Variants in LYN observed in about 807,000 individuals in gnomAD.
LYN encodes tyrosine-protein kinase Lyn.
Under a neutral mutation model 65.0 loss-of-function variants are expected in LYN, and 12 were observed. That is an observed-to-expected ratio of 0.18 (90% CI 0.12 to 0.30). The LOEUF (loss-of-function observed/expected upper bound fraction) is 0.30, where lower values mean the gene tolerates loss of function less well. Ranked by LOEUF, LYN falls within the 10% of genes least tolerant of loss-of-function variation. The pLI is 1.00. For synonymous variants in LYN, 222 were observed against 221.2 expected, an observed-to-expected ratio of 1.00 and a Z score of -0.03; for missense variants, 380 against 623.2, an observed-to-expected ratio of 0.61 and a Z score of 4.16.
intron 9 of LYN, among the ~76,000 whole-genome samples, chr8:55,968,888 C>T (rs772574006): frequency 7.2e-5 from 11 of 152,322 alleles, no homozygotes; most frequent in Non-Finnish European, 1.6e-4. Context: ...ACAGGTCTTG[C>T]TTTAGAGATG....
chr8:55,880,135 G>T (rs1164094271), intron 1 of LYN, 32 bp downstream of exon 1: 1 of 231,614 alleles, frequency 4.3e-6, no homozygotes, highest in Non-Finnish European at 8.6e-6. Context: ...AGGGGTGGGC[G>T]CGGGCACGCG....
chr8:55,991,412 CACTTGGTGACTA>C (rs1808245423), intron 10 of LYN, among the ~76,000 whole-genome samples: 1 of 152,210 alleles, frequency 6.6e-6, no homozygotes, highest in Admixed American at 6.5e-5. Flanking sequence ...AAGAGGCAGA[CACTTGGTGACTA>C]ACTCCTTTTC....
intron 1 of LYN, among the ~76,000 whole-genome samples, chr8:55,885,042 C>A (rs1489078607): frequency 6.6e-6 from 1 of 152,138 alleles, no homozygotes; most frequent in African/African-American, 2.4e-5. Context: ...CTTCCAGTAC[C>A]CCTTCTTCTG....
intron 1 of LYN, among the ~76,000 whole-genome samples, chr8:55,913,265 C>G (rs1805693599): frequency 6.6e-6 from 1 of 152,204 alleles, no homozygotes; most frequent in South Asian, 2.1e-4. Flanking sequence ...ATGTTGCTTT[C>G]TTTCCAAAGG....
intron 1 of LYN, among the ~76,000 whole-genome samples, chr8:55,908,687 A>G (rs765115811): frequency 6.6e-6 from 1 of 152,010 alleles, no homozygotes; most frequent in Admixed American, 6.6e-5. Flanking sequence ...TAGTGTAACC[A>G]TCATCTGAGT....
intron 10 of LYN, among the ~76,000 whole-genome samples, chr8:55,987,705 C>G (rs1373163871): frequency 6.6e-6 from 1 of 152,106 alleles, no homozygotes; most frequent in African/African-American, 2.4e-5. Context: ...CATGAGCCAC[C>G]ATGGCTGGCT....
At chr8:55,930,333 C>A (rs1806224804) in intron 1 of LYN, among the ~76,000 whole-genome samples, 2 of 152,136 alleles carry the variant, frequency 1.3e-5, no homozygotes, top group Admixed American at 1.3e-4. Flanking sequence ...TATTATGTTA[C>A]ATGCATTTAG....
intron 2 of LYN, among the ~76,000 whole-genome samples, chr8:55,944,635 C>G (rs909484170): frequency 6.6e-6 from 1 of 152,194 alleles, no homozygotes; most frequent in Non-Finnish European, 1.5e-5. Context: ...CATGCACCAC[C>G]ATGCCTGGCT....
intron 1 of LYN, among the ~76,000 whole-genome samples, chr8:55,934,141 G>A (rs1206719098): frequency 1.3e-5 from 2 of 152,110 alleles, no homozygotes; most frequent in Non-Finnish European, 2.9e-5. Flanking sequence ...CAGGAGAATC[G>A]CTTGAACCCA....
chr8:55,987,243 T>A (rs1185991694), intron 10 of LYN, among the ~76,000 whole-genome samples: 1 of 151,800 alleles, frequency 6.6e-6, no homozygotes, highest in Non-Finnish European at 1.5e-5. Flanking sequence ...TGAAACACCG[T>A]CTCTACTAAA....
chr8:55,882,633 T>C (rs1804683418), intron 1 of LYN, among the ~76,000 whole-genome samples: 1 of 152,228 alleles, frequency 6.6e-6, no homozygotes, highest in African/African-American at 2.4e-5. Context: ...GTCACATTGA[T>C]AGCAGAGATA....
chr8:56,004,362 C>G (rs929850791), intron 12 of LYN, among the ~76,000 whole-genome samples: 4 of 144,388 alleles, frequency 2.8e-5, no homozygotes, highest in Non-Finnish European at 6.0e-5. Context: ...GGTGTGATAT[C>G]GGCTCACTGC....
rs1002764810 is a variant in LYN, at chr8:56,013,821, T to A, written c.*3711T>A. The A allele has an allele frequency of 6.6e-6, 1 of 152,240 alleles. No homozygotes were observed. The highest frequency in any genetic ancestry group is 1.5e-5 in the Non-Finnish European group (1 of 68,054). 9.4% of individuals were successfully genotyped at this position (152,240 alleles called of 1,614,324 possible). A position where few individuals can be genotyped will look rare whatever the true frequency, so the allele number is the denominator to read the frequency against. On this transcript the variant is annotated 3_prime_UTR_variant, in exon 13 of 13. Coordinates refer to ENST00000519728, the MANE Select transcript of LYN (RefSeq NM_002350.4). ...AAACCGCCCAGCTTTCCTCTTAGCA[T>A]CTTCCTTTATTTTCCACTTCTGGCT...
intron 10 of LYN, among the ~76,000 whole-genome samples, chr8:55,993,897 G>A (rs2130574853): frequency 6.6e-6 from 1 of 152,316 alleles, no homozygotes; most frequent in South Asian, 2.1e-4. Flanking sequence ...TTTCCAAGCT[G>A]CTGGAACAAT....
chr8:55,979,963 A>T (rs1807873444), intron 10 of LYN, among the ~76,000 whole-genome samples: 1 of 152,068 alleles, frequency 6.6e-6, no homozygotes, highest in Non-Finnish European at 1.5e-5. Context: ...TTCCTTGGAG[A>T]TGAGGCCTGC....
chr8:55,913,846 G>A (rs763401335), intron 1 of LYN, among the ~76,000 whole-genome samples: 2 of 152,308 alleles, frequency 1.3e-5, no homozygotes, highest in East Asian at 1.9e-4. Context: ...AAGCAAGTGC[G>A]AGGGCACCAG....
At chr8:55,945,902 G>A (rs1806762236) in intron 2 of LYN, among the ~76,000 whole-genome samples, 3 of 152,200 alleles carry the variant, frequency 2.0e-5, no homozygotes, top group African/African-American at 7.2e-5. Context: ...GGCTGGGACG[G>A]CAACTCCACG....
intron 1 of LYN, among the ~76,000 whole-genome samples, chr8:55,920,670 T>C (rs951191304): frequency 6.6e-5 from 10 of 151,702 alleles, no homozygotes; most frequent in African/African-American, 2.4e-4. Context: ...GCTGCTTTAC[T>C]TCAGGAAATT....
chr8:55,982,517 C>T (rs1310674552), intron 10 of LYN, among the ~76,000 whole-genome samples: 1 of 152,114 alleles, frequency 6.6e-6, no homozygotes, highest in African/African-American at 2.4e-5. Context: ...TTTCCATTTC[C>T]AGACCTTCTA....
Sources: gnomAD v4.1 joint callset for allele counts (sites outside exome capture counted in the v4.1 genomes callset) on GRCh38, gnomAD v4.1.1 for gene constraint, MANE v1.5 for transcripts, NCBI Gene and HGNC (gene_info 2026-07-23, HGNC 2026-07-21) for gene names.